The following MKLN1 variants were observed in gnomAD, a reference collection of about 807,000 sequenced individuals.
MKLN1 encodes muskelin.
In MKLN1, 18 loss-of-function variants were observed where a neutral mutation model predicts 99.0. The observed-to-expected ratio is 0.18, with a 90% CI of 0.13 to 0.27. MKLN1 has a LOEUF of 0.27. Among genes scored for constraint, MKLN1 ranks in the 10% least tolerant of loss-of-function variants. The pLI is 1.00. For synonymous variants in MKLN1, 288 were observed against 293.2 expected (o/e 0.98, Z 0.18); for missense variants, 621 against 875.9 (o/e 0.71, Z 3.67).
chr7:131,495,358 GGAAAT>G lies in MKLN1; in HGVS notation c.*7632_*7636del, dbSNP rs1198632260. ...TGTTTGTGAAAACATCTCCTGGACT[GGAAAT>G]GTGGTGCTGTAACCAGCTGAGCCGA... is the stretch of plus-strand genomic sequence containing the variant. On this transcript the variant is annotated 3_prime_UTR_variant, in exon 18 of 18. Coordinates refer to ENST00000352689, the MANE Select transcript of MKLN1 (RefSeq NM_013255.5). 6.6e-6 allele frequency: 1 copy of G among 152,136 alleles called. No homozygotes were observed. The highest frequency in any genetic ancestry group is 1.5e-5 in the Non-Finnish European group (1 of 68,018). The allele number at this position is 152,136 out of a possible 1,614,324, so 9.4% of individuals were successfully genotyped here. A position where few individuals can be genotyped will look rare whatever the true frequency, so the allele number is the denominator to read the frequency against.
rs188829036 is a variant in MKLN1, at chr7:131,494,483, C to T, written c.*6755C>T. ...TACCAAGTAATTATCAACTCACTCC[C>T]AAATTTAATAAGATATCAAAGTCCA... On this transcript the variant is annotated 3_prime_UTR_variant, in exon 18 of 18. Transcript: ENST00000352689. 4 of 148,260 alleles carry T rather than the reference C, an allele frequency of 2.7e-5. No individual in the cohort carries two copies. Among genetic ancestry groups the T allele is most frequent in the Admixed American group, 2.0e-4 (3 of 15,160 alleles). 9.2% of individuals were successfully genotyped at this position (148,260 alleles called of 1,614,324 possible).
chr7:131,210,285 C>T (rs1796881376), intron 3 of MKLN1, among the ~76,000 whole-genome samples: 1 of 152,012 alleles, frequency 6.6e-6, no homozygotes, highest in East Asian at 1.9e-4. Flanking sequence ...AATCCCAGCA[C>T]TTTGGGAGGC....
At chr7:131,406,376 T>C (rs548804653) in intron 6 of MKLN1, among the ~76,000 whole-genome samples, 1 of 152,126 alleles carries the variant, frequency 6.6e-6, no homozygotes, top group East Asian at 1.9e-4. Context: ...CTTAACAAAA[T>C]TGATCAGTGC....
Position 131,496,498 on chromosome 7 carries a change from A to C in MKLN1, c.*8770A>C, listed in dbSNP as rs1382510196. The C allele has an allele frequency of 6.6e-6, 1 of 151,850 alleles. No homozygotes were observed. Among genetic ancestry groups the C allele is most frequent in the African/African-American group, 2.4e-5 (1 of 41,222 alleles). The allele number at this position is 151,850 out of a possible 1,614,324, so 9.4% of individuals were successfully genotyped here. ...AGATCCCAGCTTTGGTAAATGTGTT[A>C]ATTCTACTTTGTGAATAAATAAATG... On this transcript the variant is annotated 3_prime_UTR_variant, in exon 18 of 18. Transcript: ENST00000352689.
At chr7:131,120,592 C>T (rs985105141) in intron 1 of MKLN1, among the ~76,000 whole-genome samples, 2 of 150,834 alleles carry the variant, frequency 1.3e-5, no homozygotes, top group African/African-American at 4.9e-5. Flanking sequence ...ATTTTTCTGC[C>T]AAATACCCTA....
chr7:131,166,160 G>A (rs941182230), intron 2 of MKLN1, among the ~76,000 whole-genome samples: 6 of 152,054 alleles, frequency 3.9e-5, no homozygotes, highest in South Asian at 2.1e-4. Flanking sequence ...GGACAGAGAA[G>A]GCAAATGCAA....
intron 2 of MKLN1, chr7:131,142,975 A>G: frequency 1.5e-6 from 2 of 1,295,610 alleles, no homozygotes; most frequent in Non-Finnish European, 2.0e-6. Context: ...TTCTTTCTTT[A>G]GTTGTCAAAA....
chr7:131,171,207 T>G (rs1046177838), intron 2 of MKLN1, among the ~76,000 whole-genome samples: 2 of 152,102 alleles, frequency 1.3e-5, no homozygotes, highest in Non-Finnish European at 2.9e-5. Context: ...GAGAGGAAAC[T>G]TAATATAGGT....
At chr7:131,483,744 T>C (rs917933611) in intron 17 of MKLN1, among the ~76,000 whole-genome samples, 1 of 152,194 alleles carries the variant, frequency 6.6e-6, no homozygotes, top group African/African-American at 2.4e-5. Context: ...CTGTTGTGGA[T>C]AGTAAGAGCT....
intron 2 of MKLN1, among the ~76,000 whole-genome samples, chr7:131,159,409 A>G (rs1475674015): frequency 6.6e-6 from 1 of 152,190 alleles, no homozygotes. Context: ...AAATCATGTC[A>G]TTTGCAGCAA....
intron 3 of MKLN1, among the ~76,000 whole-genome samples, chr7:131,263,573 C>A (rs1247817656): frequency 6.9e-6 from 1 of 144,736 alleles, no homozygotes; most frequent in Non-Finnish European, 1.5e-5. Context: ...CTGATGATTG[C>A]ACTTTTTTTT....
chr7:131,162,128 A>G (rs112948029), intron 2 of MKLN1, among the ~76,000 whole-genome samples: 8,058 of 151,214 alleles, frequency 0.053, 377 homozygotes, highest in African/African-American at 0.13. Flanking sequence ...CCGCCTCCTG[A>G]GTTCAAGCGA....
chr7:131,183,118 G>A (rs1796398911), intron 2 of MKLN1, among the ~76,000 whole-genome samples: 1 of 152,204 alleles, frequency 6.6e-6, no homozygotes, highest in Admixed American at 6.5e-5. Context: ...GAATGTAAAG[G>A]AGAAAGGGGA....
At position 131,382,934 on chromosome 7, in the gene MKLN1, A is replaced by G. The variant is rs183840061; in HGVS notation, c.169-4186A>G. 3.5e-3 allele frequency among the ~76,000 whole-genome samples: 530 copies of G among 152,140 alleles called. 2 individuals carry two copies. Among genetic ancestry groups the G allele is most frequent in the African/African-American group, 0.012 (504 of 41,530 alleles). ...GAGACAGGGTTTCACCGTGTTAGCT[A>G]GGATGGTCTCGATCTCTTGACCTCG... On this transcript the variant is annotated intron_variant, in intron 2 of 17. Coordinates refer to ENST00000352689, the MANE Select transcript of MKLN1 (RefSeq NM_013255.5).
At chr7:131,453,216 G>A (rs1796235998) in intron 12 of MKLN1, among the ~76,000 whole-genome samples, 1 of 152,170 alleles carries the variant, frequency 6.6e-6, no homozygotes, top group Non-Finnish European at 1.5e-5. Context: ...AAGTTCACAT[G>A]TAAAAACAAA....
intron 3 of MKLN1, among the ~76,000 whole-genome samples, chr7:131,228,320 T>A (rs985600959): frequency 6.6e-6 from 1 of 152,112 alleles, no homozygotes; most frequent in Non-Finnish European, 1.5e-5. Context: ...GATGTTCTTA[T>A]CTTAACATTC....
chr7:131,284,728 G>A (rs904834473), intron 3 of MKLN1, among the ~76,000 whole-genome samples: 3 of 152,182 alleles, frequency 2.0e-5, no homozygotes, highest in South Asian at 2.1e-4. Flanking sequence ...GCTTGCATAC[G>A]TGCGGTCGCT....
At chr7:131,153,034 T>TA (rs34593474) in intron 2 of MKLN1, among the ~76,000 whole-genome samples, 14,206 of 139,046 alleles carry the variant, frequency 0.1, 765 homozygotes, top group South Asian at 0.27. Flanking sequence ...TATATATATA[T>TA]TTTTTTTTTT....
At chr7:131,124,801 G>C (rs1218548348) in intron 1 of MKLN1, among the ~76,000 whole-genome samples, 1 of 152,194 alleles carries the variant, frequency 6.6e-6, no homozygotes, top group Admixed American at 6.5e-5. Flanking sequence ...CATCTTTGCA[G>C]AGGGCTGTAT....
Sources: gnomAD v4.1 joint callset for allele counts (sites outside exome capture counted in the v4.1 genomes callset) on GRCh38, gnomAD v4.1.1 for gene constraint, MANE v1.5 for transcripts, NCBI Gene and HGNC (gene_info 2026-07-23, HGNC 2026-07-21) for gene names.